The following EBF1 variants were observed in gnomAD, a reference collection of about 807,000 sequenced individuals.
EBF1 encodes EBF transcription factor 1, also known as transcription factor COE1.
Under a neutral mutation model 68.4 loss-of-function variants are expected in EBF1, and 10 were observed. That is an observed-to-expected ratio of 0.15 (90% CI 0.09 to 0.25). The LOEUF (loss-of-function observed/expected upper bound fraction) is 0.25. Ranked by LOEUF, EBF1 falls within the 10% of genes least tolerant of loss-of-function variation. The pLI is 1.00. For missense variants in EBF1, 509 were observed against 794.4 expected (o/e 0.64, Z 4.32); for synonymous variants, 298 against 299.8 (o/e 0.99, Z 0.06).
At chr5:158,995,405 T>C (rs931253162) in intron 6 of EBF1, among the ~76,000 whole-genome samples, 19 of 152,202 alleles carry the variant, frequency 1.2e-4, no homozygotes, top group African/African-American at 4.6e-4. Flanking sequence ...GGGACGCTCA[T>C]ATGCTTGGCT....
At chr5:158,964,407 A>T (rs1753692174) in intron 6 of EBF1, among the ~76,000 whole-genome samples, 1 of 152,078 alleles carries the variant, frequency 6.6e-6, no homozygotes, top group East Asian at 1.9e-4. Flanking sequence ...CAGCAAACCG[A>T]GTAGGGTTAA....
chr5:158,848,307 A>G (rs1791943083), intron 6 of EBF1, among the ~76,000 whole-genome samples: 2 of 99,158 alleles, frequency 2.0e-5, no homozygotes, highest in South Asian at 1.2e-3. Context: ...GGGATCATTG[A>G]CCATTCTGGT....
At chr5:159,050,787 C>A (rs1014621283) in intron 6 of EBF1, among the ~76,000 whole-genome samples, 5 of 152,208 alleles carry the variant, frequency 3.3e-5, no homozygotes, top group Admixed American at 2.6e-4. Flanking sequence ...AGAAACCCAG[C>A]GGCAAGCAAG....
intron 6 of EBF1, among the ~76,000 whole-genome samples, chr5:159,056,486 G>T (rs1774747726): frequency 6.6e-6 from 1 of 152,162 alleles, no homozygotes. Context: ...CTGCAGTTCA[G>T]CATGAGACTA....
At chr5:158,712,928 G>A in intron 13 of EBF1, 42 bp downstream of exon 13, 4 of 1,395,808 alleles carry the variant, frequency 2.9e-6, no homozygotes, top group Non-Finnish European at 2.8e-6. Flanking sequence ...AGGAGATGGG[G>A]TGCTTAAGGT....
At chr5:158,775,805 C>CACAT (rs1309879858) in intron 10 of EBF1, among the ~76,000 whole-genome samples, 1 of 150,536 alleles carries the variant, frequency 6.6e-6, no homozygotes, top group East Asian at 1.9e-4. Context: ...CACACACACA[C>CACAT]ACACACACAC....
chr5:158,875,372 A>G (rs1675407985), intron 6 of EBF1, among the ~76,000 whole-genome samples: 1 of 152,210 alleles, frequency 6.6e-6, no homozygotes, highest in African/African-American at 2.4e-5. Flanking sequence ...CCAAGTTCCA[A>G]TGTATCAAAA....
chr5:158,934,304 TCATACA>T lies in EBF1; in HGVS notation c.555-94200_555-94195del, dbSNP rs138151780. ...CAATGCCAGTGTAGTACAGTGCACT[TCATACA>T]CATACACATACACACATACACACTC... On this transcript the variant is annotated intron_variant, in intron 6 of 15. Transcript: ENST00000313708. Among the ~76,000 whole-genome samples, 18 of 152,304 alleles carry T rather than the reference TCATACA, an allele frequency of 1.2e-4. No homozygotes were observed. The East Asian group carries it at 1.5e-3, about 13-fold the overall frequency.
At chr5:158,702,812 G>A (rs1757050977) in intron 15 of EBF1, among the ~76,000 whole-genome samples, 1 of 150,636 alleles carries the variant, frequency 6.6e-6, no homozygotes, top group African/African-American at 2.4e-5. Flanking sequence ...GGGTAAGTGA[G>A]TGGGTAAATC....
At chr5:158,925,327 G>A (rs1013797279) in intron 6 of EBF1, among the ~76,000 whole-genome samples, 19 of 152,194 alleles carry the variant, frequency 1.2e-4, no homozygotes, top group Non-Finnish European at 1.8e-4. Context: ...TTGTCTGCCT[G>A]TTCACCTCTT....
At chr5:158,794,672 TC>T (rs1779301117) in intron 9 of EBF1, among the ~76,000 whole-genome samples, 1 of 152,114 alleles carries the variant, frequency 6.6e-6, no homozygotes, top group Non-Finnish European at 1.5e-5. Context: ...TATTTACTCT[TC>T]CCATCTCTCA....
chr5:158,956,905 C>A lies in EBF1; in HGVS notation c.554+116491G>T, dbSNP rs535734955. Among the ~76,000 whole-genome samples, 7 of 152,166 alleles carry A rather than the reference C, an allele frequency of 4.6e-5. No homozygotes were observed. The South Asian group carries it at 1.5e-3, about 32-fold the overall frequency. On this transcript the variant is annotated intron_variant, in intron 6 of 15. Transcript: ENST00000313708. Reference sequence around the variant, plus strand: ...TCCGGAGTAGCTGGGACTACAGGCGCCTGCCACCACGCCCAGCTAATTTTT... The same window carrying A: ...TCCGGAGTAGCTGGGACTACAGGCGACTGCCACCACGCCCAGCTAATTTTT...
intron 6 of EBF1, among the ~76,000 whole-genome samples, chr5:159,030,178 AT>A (rs1200264315): frequency 3.9e-5 from 6 of 152,058 alleles, no homozygotes; most frequent in African/African-American, 9.7e-5. Flanking sequence ...CAATATCATA[AT>A]TTTTTTAAAA....
intron 5 of EBF1, among the ~76,000 whole-genome samples, chr5:159,075,552 G>A (rs1778611364): frequency 6.6e-6 from 1 of 152,180 alleles, no homozygotes; most frequent in Non-Finnish European, 1.5e-5. Flanking sequence ...ACAAGGGTCT[G>A]TTTTTAAAGC....
chr5:159,079,848 C>T (rs1375662278), intron 5 of EBF1, among the ~76,000 whole-genome samples: 4 of 152,062 alleles, frequency 2.6e-5, no homozygotes, highest in Non-Finnish European at 4.4e-5. Context: ...CTCTTGGCCT[C>T]AAGTGATCTG....
At chr5:158,995,539 C>A (rs1036339601) in intron 6 of EBF1, among the ~76,000 whole-genome samples, 7 of 152,170 alleles carry the variant, frequency 4.6e-5, no homozygotes, top group African/African-American at 1.7e-4. Flanking sequence ...AAGAGAGGCT[C>A]TTGACACCCC....
intron 11 of EBF1, among the ~76,000 whole-genome samples, chr5:158,728,138 G>A (rs911912548): frequency 2.6e-5 from 4 of 152,124 alleles, no homozygotes; most frequent in Non-Finnish European, 5.9e-5. Flanking sequence ...CCTTGTGCTG[G>A]CTCCATCCGC....
At chr5:158,992,713 T>A (rs1303758887) in intron 6 of EBF1, among the ~76,000 whole-genome samples, 1 of 152,170 alleles carries the variant, frequency 6.6e-6, no homozygotes, top group Non-Finnish European at 1.5e-5. Flanking sequence ...TCTTACCAAT[T>A]ATATTCCTGG....
At chr5:158,960,934 C>T (rs1010659526) in intron 6 of EBF1, among the ~76,000 whole-genome samples, 3 of 152,202 alleles carry the variant, frequency 2.0e-5, no homozygotes, top group African/African-American at 7.2e-5. Flanking sequence ...CAGATTGCTA[C>T]ATCTGACCTG....
Sources: gnomAD v4.1 joint callset for allele counts (sites outside exome capture counted in the v4.1 genomes callset) on GRCh38, gnomAD v4.1.1 for gene constraint, MANE v1.5 for transcripts, NCBI Gene and HGNC (gene_info 2026-07-23, HGNC 2026-07-21) for gene names.